Variants in ARFGEF1 observed in about 807,000 individuals in gnomAD.
ARFGEF1 encodes brefeldin A-inhibited guanine nucleotide-exchange protein 1.
In ARFGEF1, 42 loss-of-function variants were observed where a neutral mutation model predicts 231.0. That is an observed-to-expected ratio of 0.18 (90% CI 0.14 to 0.24). The LOEUF (loss-of-function observed/expected upper bound fraction) is 0.24. ARFGEF1 is among the 10% of genes least tolerant of loss of function. The pLI, the probability that ARFGEF1 is intolerant of heterozygous loss-of-function variation, is 1.00. For synonymous variants in ARFGEF1, 710 were observed against 732.3 expected (o/e 0.97, Z 0.49); for missense variants, 1,345 against 2,192.0 (o/e 0.61, Z 7.72).
At chr8:67,267,307 TAAGA>T in intron 11 of ARFGEF1, 32 bp downstream of exon 11, 2 of 1,587,154 alleles carry the variant, frequency 1.3e-6, no homozygotes, top group Non-Finnish European at 1.7e-6. Context: ...TATCTAATAA[TAAGA>T]AAGAGATAAT....
chr8:67,209,420 AGAG>A (rs1038061691), intron 34 of ARFGEF1, among the ~76,000 whole-genome samples: 4 of 151,704 alleles, frequency 2.6e-5, no homozygotes, highest in African/African-American at 7.3e-5. Context: ...GGGCTGGGGA[AGAG>A]GAGAAGAAGA....
downstream of ARFGEF1, chr8:67,193,553 G>A (rs747965774): frequency 8.7e-6 from 14 of 1,613,724 alleles, no homozygotes; most frequent in Non-Finnish European, 1.1e-5. Flanking sequence ...TGAGAAATGA[G>A]GAACGAATGC....
chr8:67,237,617 C>A (rs774721287), intron 22 of ARFGEF1, among the ~76,000 whole-genome samples: 1 of 152,140 alleles, frequency 6.6e-6, no homozygotes, highest in African/African-American at 2.4e-5. Context: ...AATATACCAG[C>A]CATTATGCTA....
intron 5 of ARFGEF1, among the ~76,000 whole-genome samples, chr8:67,178,566 C>T (rs1832238067): frequency 6.6e-6 from 1 of 152,080 alleles, no homozygotes; most frequent in Non-Finnish European, 1.5e-5. Context: ...GCAGAGAAGG[C>T]AGCTGGAGGA....
intron 27 of ARFGEF1, among the ~76,000 whole-genome samples, chr8:67,226,417 G>A (rs1363801177): frequency 2.0e-5 from 3 of 151,980 alleles, no homozygotes; most frequent in Non-Finnish European, 2.9e-5. Context: ...CTAATACAGT[G>A]ACTGGTACAC....
chr8:67,309,460 GAA>G (rs1453225271), intron 1 of ARFGEF1, among the ~76,000 whole-genome samples: 3 of 152,080 alleles, frequency 2.0e-5, no homozygotes, highest in Admixed American at 2.0e-4. Context: ...AACTAAAAGA[GAA>G]AGAAAAAATA....
intron 1 of ARFGEF1, among the ~76,000 whole-genome samples, chr8:67,341,425 C>CA (rs1186065653): frequency 0.017 from 1,471 of 87,464 alleles, 13 homozygotes; most frequent in Non-Finnish European, 0.019. Context: ...CCATCTCCAC[C>CA]AAAAAAAAAA....
intron 5 of ARFGEF1, among the ~76,000 whole-genome samples, chr8:67,292,472 A>G (rs1420937678): frequency 6.6e-6 from 1 of 152,148 alleles, no homozygotes; most frequent in Non-Finnish European, 1.5e-5. Flanking sequence ...ACAATTACCT[A>G]TAGAGGGTAG....
At chr8:67,176,871 A>T (rs1051688170) in intron 5 of ARFGEF1, among the ~76,000 whole-genome samples, 29 of 151,994 alleles carry the variant, frequency 1.9e-4, no homozygotes, top group African/African-American at 6.5e-4. Flanking sequence ...GGAGTTCAAG[A>T]CCAGTCTGGC....
intron 1 of ARFGEF1, among the ~76,000 whole-genome samples, chr8:67,325,805 T>C (rs576246053): frequency 1.3e-5 from 2 of 152,286 alleles, no homozygotes; most frequent in South Asian, 4.1e-4. Context: ...GTGCATCTAC[T>C]CAGGACTAAA....
intron 5 of ARFGEF1, among the ~76,000 whole-genome samples, chr8:67,177,521 A>G (rs1032717613): frequency 3.9e-5 from 6 of 152,244 alleles, no homozygotes; most frequent in African/African-American, 1.4e-4. Context: ...ATGCAGGGCT[A>G]TGTTTTTTAA....
At chr8:67,218,687 C>T (rs537675961) in intron 30 of ARFGEF1, among the ~76,000 whole-genome samples, 3 of 151,792 alleles carry the variant, frequency 2.0e-5, no homozygotes, top group Admixed American at 2.0e-4. Context: ...GCATTTAATA[C>T]TGCTGTATGG....
intron 19 of ARFGEF1, among the ~76,000 whole-genome samples, chr8:67,247,224 A>G (rs1840134795): frequency 6.7e-6 from 1 of 150,268 alleles, no homozygotes; most frequent in South Asian, 2.1e-4. Flanking sequence ...AGGAAGGAAT[A>G]TTTCCAAATT....
rs773054384 is a variant in ARFGEF1, at chr8:67,177,742, C to A, written c.561-2170G>T. 6.0e-5 allele frequency: 96 copies of A among 1,597,552 alleles called. No homozygotes were observed. In the East Asian group the frequency reaches 2.1e-3, roughly 36 times the overall value. ...GCAAAGAATGGTAAGCAACCAGTTA[C>A]AATTTTTCAAGTTAGTTTTTGGGGG... is the stretch of plus-strand genomic sequence containing the variant. On this transcript the variant is annotated intron_variant, in intron 5 of 5. Transcript: ENST00000518789.
chr8:67,197,282 A>G (rs945872091), downstream of ARFGEF1, among the ~76,000 whole-genome samples: 2 of 145,826 alleles, frequency 1.4e-5, no homozygotes. Flanking sequence ...TCCCATCTCT[A>G]AAAAAAAAAA....
chr8:67,197,362 G>C (rs565508392), downstream of ARFGEF1, among the ~76,000 whole-genome samples: 1 of 152,260 alleles, frequency 6.6e-6, no homozygotes, highest in East Asian at 1.9e-4. Flanking sequence ...GGTGGAGTGT[G>C]AGAATCGTGA....
At chr8:67,292,243 G>A in intron 5 of ARFGEF1, 120 bp from the exon 6 acceptor site, 2 of 818,892 alleles carry the variant, frequency 2.4e-6, no homozygotes, top group Non-Finnish European at 3.8e-6. Flanking sequence ...GGAAATTAAA[G>A]TTTATCAGAA....
intron 17 of ARFGEF1, among the ~76,000 whole-genome samples, chr8:67,254,080 C>A (rs1840379180): frequency 6.6e-6 from 1 of 152,192 alleles, no homozygotes; most frequent in African/African-American, 2.4e-5. Context: ...TTATTTAAAA[C>A]CAGTTAACAA....
intron 9 of ARFGEF1, among the ~76,000 whole-genome samples, chr8:67,272,238 C>A (rs140587368): frequency 0.015 from 2,309 of 152,244 alleles, 64 homozygotes; most frequent in African/African-American, 0.053. Context: ...GCGATCTCAG[C>A]TCACTGAAAC....
Sources: gnomAD v4.1 joint callset for allele counts (sites outside exome capture counted in the v4.1 genomes callset) on GRCh38, gnomAD v4.1.1 for gene constraint, MANE v1.5 for transcripts, NCBI Gene and HGNC (gene_info 2026-07-23, HGNC 2026-07-21) for gene names.